Variants in SPAG6 observed in about 807,000 individuals in gnomAD.
SPAG6 encodes the protein sperm-associated antigen 6.
In SPAG6, 49 loss-of-function variants were observed where a neutral mutation model predicts 58.5. That is an observed-to-expected ratio of 0.84 (90% CI 0.67 to 1.06). SPAG6 has a LOEUF of 1.06. SPAG6 is among the 50% of genes least tolerant of loss of function. The pLI is 0.00. For synonymous variants in SPAG6, 233 were observed against 225.6 expected (o/e 1.03, Z -0.29); for missense variants, 560 against 611.3 (o/e 0.92, Z 0.89).
chr10:22,395,502 T>G (rs911322283), intron 8 of SPAG6, among the ~76,000 whole-genome samples: 1 of 152,244 alleles, frequency 6.6e-6, no homozygotes, highest in African/African-American at 2.4e-5. Context: ...TCTTTTCATA[T>G]GTTTATTGGC....
intron 2 of SPAG6, among the ~76,000 whole-genome samples, chr10:22,352,399 G>GT (rs1836754060): frequency 6.6e-6 from 1 of 151,342 alleles, no homozygotes; most frequent in Non-Finnish European, 1.5e-5. Context: ...AAAAATTGAG[G>GT]GATTACTTAA....
At chr10:22,377,067 G>GA (rs565835789) in intron 4 of SPAG6, among the ~76,000 whole-genome samples, 2,030 of 142,646 alleles carry the variant, frequency 0.014, 12 homozygotes, top group African/African-American at 0.019. Context: ...TGCCTCTGGA[G>GA]AAAAAAAAAA....
At chr10:22,399,867 T>C (rs901643753) in intron 8 of SPAG6, among the ~76,000 whole-genome samples, 1 of 152,198 alleles carries the variant, frequency 6.6e-6, no homozygotes, top group South Asian at 2.1e-4. Context: ...AGTTCCCAAG[T>C]ATGTTGGGAA....
chr10:22,367,277 T>C (rs1837226918), intron 3 of SPAG6, among the ~76,000 whole-genome samples: 1 of 152,138 alleles, frequency 6.6e-6, no homozygotes, highest in Admixed American at 6.5e-5. Flanking sequence ...GGAAACCTAC[T>C]TCAAAACTCT....
intron 6 of SPAG6, 87 bp downstream of exon 6, chr10:22,388,083 G>A: frequency 9.4e-7 from 1 of 1,065,800 alleles, no homozygotes; most frequent in Non-Finnish European, 1.3e-6. Context: ...GGGCCTAGGG[G>A]TTGTGGCACA....
chr10:22,352,140 G>A (rs183261103), intron 2 of SPAG6, among the ~76,000 whole-genome samples: 1 of 151,758 alleles, frequency 6.6e-6, no homozygotes, highest in Non-Finnish European at 1.5e-5. Context: ...CAGCCTGGGC[G>A]ACAGAGCGAG....
intron 2 of SPAG6, among the ~76,000 whole-genome samples, chr10:22,356,069 T>A (rs1423055986): frequency 6.6e-6 from 1 of 152,140 alleles, no homozygotes; most frequent in Non-Finnish European, 1.5e-5. Context: ...AAAATCAAAG[T>A]GGATGGTAGT....
rs905874709 is a variant in SPAG6, at chr10:22,416,964, C to A, written c.*276C>A. 1.4e-5 allele frequency: 4 copies of A among 279,672 alleles called. No homozygotes were observed. Among genetic ancestry groups the A allele is most frequent in the Non-Finnish European group, 2.8e-5 (4 of 144,742 alleles). 17.3% of individuals were successfully genotyped at this position (279,672 alleles called of 1,614,324 possible). The stretch of plus-strand genomic sequence containing the variant: ...AGGCATTTTGTTATTCTGTTAAAAA[C>A]CACACACACTCGTACATGCAGACAC... On this transcript the variant is annotated 3_prime_UTR_variant, in exon 11 of 11. Coordinates refer to ENST00000376624, the MANE Select transcript of SPAG6 (RefSeq NM_012443.4).
chr10:22,351,529 G>T (rs1204891467), intron 2 of SPAG6, among the ~76,000 whole-genome samples: 2 of 152,212 alleles, frequency 1.3e-5, no homozygotes, highest in African/African-American at 4.8e-5. Flanking sequence ...AAAACACCCA[G>T]GGGTAGAATA....
intron 2 of SPAG6, among the ~76,000 whole-genome samples, chr10:22,348,645 A>T (rs1465388633): frequency 1.3e-5 from 2 of 152,242 alleles, no homozygotes; most frequent in African/African-American, 4.8e-5. Context: ...TGTGAAAGGA[A>T]TATTAAAGGT....
At chr10:22,384,393 T>C (rs900350697) in intron 4 of SPAG6, among the ~76,000 whole-genome samples, 1 of 152,046 alleles carries the variant, frequency 6.6e-6, no homozygotes, top group Non-Finnish European at 1.5e-5. Flanking sequence ...ATAGAAACAA[T>C]AGAGGAAACA....
At chr10:22,405,783 C>T (rs966295695) in intron 9 of SPAG6, among the ~76,000 whole-genome samples, 3 of 152,080 alleles carry the variant, frequency 2.0e-5, no homozygotes, top group East Asian at 1.9e-4. Context: ...CTTTTTGGTT[C>T]GTAAGCTATT....
At chr10:22,368,464 A>G in intron 3 of SPAG6, 31 bp from the exon 4 acceptor site, 2 of 1,588,752 alleles carry the variant, frequency 1.3e-6, no homozygotes, top group Non-Finnish European at 1.7e-6. Context: ...TACTCAATTC[A>G]TTTTGAGTTT....
chr10:22,359,118 G>A (rs1304377874), intron 2 of SPAG6, among the ~76,000 whole-genome samples: 4 of 152,140 alleles, frequency 2.6e-5, no homozygotes, highest in African/African-American at 9.7e-5. Context: ...TGTAAAGCAT[G>A]AAGTTTCTAT....
At position 22,386,895 on chromosome 10, in the gene SPAG6, T is replaced by C. The variant is rs1834077398; in HGVS notation, c.614T>C (p.Val205Ala). 1.2e-6 allele frequency: 2 copies of C among 1,613,704 alleles called. No individual in the cohort carries two copies. The highest frequency in any genetic ancestry group is 1.1e-5 in the South Asian group (1 of 91,084). The change falls in exon 5 of 11, where the codon GTA (valine) becomes GCA (alanine). Residue 205 changes from valine to alanine, a missense_variant. Transcript: ENST00000376624. ...AKHSPELAQT[V>A]VDAGAVAHLA... Reference sequence around the variant, plus strand: ...CATTCTCCAGAGTTAGCACAGACAGTAGTGGATGCAGGAGCTGTTGCTCAT... The same window carrying C: ...CATTCTCCAGAGTTAGCACAGACAGCAGTGGATGCAGGAGCTGTTGCTCAT...
At position 22,386,826 on chromosome 10, in the gene SPAG6, CTTTGAAAAGGA is replaced by C. The variant is rs990589411; in HGVS notation, c.548_558del (p.Leu183CysfsTer7). On this transcript the variant is annotated frameshift_variant, in exon 5 of 11. Transcript: ENST00000376624. LOFTEE classifies it high-confidence loss of function. ...CTCTGTATCCAGGAGCCAGAAATTG[CTTTGAAAAGGA>C]TTGCTGCTTCGGCCCTCAGTGATAT... 3 of 1,613,602 alleles carry C rather than the reference CTTTGAAAAGGA, an allele frequency of 1.9e-6. No individual in the cohort carries two copies. The African/African-American group carries it at 4.0e-5, about 22-fold the overall frequency.
At chr10:22,365,703 A>G (rs1032079441) in intron 3 of SPAG6, among the ~76,000 whole-genome samples, 1 of 152,220 alleles carries the variant, frequency 6.6e-6, no homozygotes, top group Admixed American at 6.5e-5. Flanking sequence ...CTTTGGGATT[A>G]AATTCCTATT....
chr10:22,346,057 G>T (rs903084207), intron 2 of SPAG6: 1 of 1,532,144 alleles, frequency 6.5e-7, no homozygotes, highest in Non-Finnish European at 8.8e-7. Context: ...GCAAGTGTCA[G>T]GTTGAAAGTC....
intron 2 of SPAG6, among the ~76,000 whole-genome samples, chr10:22,346,488 T>TTCTTTCTTCTTCTTCTTCC (rs1836550431): frequency 6.0e-5 from 8 of 132,338 alleles, no homozygotes; most frequent in Admixed American, 5.2e-4. Context: ...CTTCTTCTTC[T>TTCTTTCTTCTTCTTCTTCC]TCTTCTTCTT....
Sources: allele counts gnomAD v4.1 joint callset (sites outside exome capture counted in the v4.1 genomes callset), GRCh38; gene constraint gnomAD v4.1.1; transcripts MANE v1.5; gene names NCBI Gene and HGNC (gene_info 2026-07-23, HGNC 2026-07-21).